Variants in SLCO2A1 observed in about 807,000 individuals in gnomAD.
SLCO2A1 encodes the protein solute carrier organic anion transporter family member 2A1, also known as matrin F/G 1.
Under a neutral mutation model 71.7 loss-of-function variants are expected in SLCO2A1, and 60 were observed. The ratio of observed to expected loss-of-function variants is 0.84; its 90% CI spans 0.68 to 1.04. The LOEUF (loss-of-function observed/expected upper bound fraction) is 1.04. SLCO2A1 is among the 50% of genes least tolerant of loss of function. SLCO2A1 has a pLI of 0.00. For missense variants in SLCO2A1, 745 were observed against 813.4 expected (o/e 0.92, Z 1.02); for synonymous variants, 308 against 326.7 (o/e 0.94, Z 0.62).
chr3:133,996,519 G>A (rs1489660701), intron 1 of SLCO2A1, among the ~76,000 whole-genome samples: 3 of 152,192 alleles, frequency 2.0e-5, no homozygotes, highest in Non-Finnish European at 4.4e-5. Flanking sequence ...CTACAGACAG[G>A]CTAGCTTAGC....
intron 3 of SLCO2A1, among the ~76,000 whole-genome samples, 195 bp downstream of exon 3, chr3:133,973,468 G>A (rs1335829668): frequency 6.6e-6 from 1 of 152,220 alleles, no homozygotes; most frequent in Non-Finnish European, 1.5e-5. Context: ...ACAGCAGGAG[G>A]TGAGCCATGC....
rs188043478 is a variant in SLCO2A1 at position 134,026,491 on chromosome 3, G to A, written c.96+3216C>T. On this transcript the variant is annotated intron_variant, in intron 1 of 13. Coordinates refer to ENST00000310926, the MANE Select transcript of SLCO2A1 (RefSeq NM_005630.3). ...CTGGGCTTCCCTGTCTATGCTTCCC[G>A]CGAAAAGAGAAGCATAGCTATAGGA... 1.7e-3 allele frequency among the ~76,000 whole-genome samples: 255 copies of A among 152,038 alleles called. 1 individual carries two copies. Among genetic ancestry groups the A allele is most frequent in the African/African-American group, 5.8e-3 (239 of 41,466 alleles).
In SLCO2A1 at chr3:133,948,557, C is replaced by G. The variant is rs556819076; in HGVS notation, c.1084G>C (p.Ala362Pro). 1.8e-4 allele frequency: 288 copies of G among 1,613,984 alleles called. 2 individuals carry two copies. The South Asian group carries it at 3.0e-3, about 17-fold the overall frequency. Residue 362 changes from alanine (A) to proline (P), a missense_variant, in exon 8 of 14, where the codon GCC (alanine) becomes CCC (proline). Transcript: ENST00000310926. ...FLEKQYGTSA[A>P]YANFLIGAVN... ...TCACCAATGAGGAAGTTGGCATAGG[C>G]TGCTGAGGTGCCATACTGCTTCTCC...
At chr3:134,028,975 C>T (rs1390643609) in intron 1 of SLCO2A1, among the ~76,000 whole-genome samples, 1 of 115,010 alleles carries the variant, frequency 8.7e-6, no homozygotes, top group Non-Finnish European at 1.8e-5. Flanking sequence ...TCACCCGCTC[C>T]CCATAACTTG....
intron 1 of SLCO2A1, among the ~76,000 whole-genome samples, chr3:134,005,481 A>ATT (rs35386403): frequency 0.71 from 95,299 of 133,824 alleles, 35,555 homozygotes; most frequent in Non-Finnish European, 0.83. Flanking sequence ...ATGTGTTATA[A>ATT]TTTTTTTTTT....
chr3:133,984,340 T>C (rs971489308), intron 1 of SLCO2A1, among the ~76,000 whole-genome samples: 4 of 152,176 alleles, frequency 2.6e-5, no homozygotes, highest in Non-Finnish European at 5.9e-5. Flanking sequence ...CCACCAGCTA[T>C]TGGCCCCTGC....
At chr3:133,971,419 T>A (rs1039189974) in intron 3 of SLCO2A1, among the ~76,000 whole-genome samples, 2 of 152,238 alleles carry the variant, frequency 1.3e-5, no homozygotes, top group Non-Finnish European at 1.5e-5. Flanking sequence ...CATACATTTA[T>A]GAGAAATGAC....
rs140853393 is a variant in SLCO2A1, at chr3:134,014,181, T to C, written c.96+15526A>G. Reference sequence around the variant, plus strand: ...GGATTCCAGTAGTTTGCCACATTTCTGAAGGTAGGGGTCTGCCCTGTTCGG... The same window carrying C: ...GGATTCCAGTAGTTTGCCACATTTCCGAAGGTAGGGGTCTGCCCTGTTCGG... On this transcript the variant is annotated intron_variant, in intron 1 of 13. Transcript: ENST00000310926. Among the ~76,000 whole-genome samples the C allele has an allele frequency of 6.8e-3, 1,034 of 152,284 alleles. 16 individuals are homozygous for C. Among genetic ancestry groups the C allele is most frequent in the African/African-American group, 0.024 (977 of 41,548 alleles).
intron 11 of SLCO2A1, among the ~76,000 whole-genome samples, chr3:133,939,528 C>G (rs1326120831): frequency 6.6e-6 from 1 of 152,218 alleles, no homozygotes; most frequent in African/African-American, 2.4e-5. Context: ...CATCACAGTT[C>G]TGCTAGCAAA....
intron 3 of SLCO2A1, among the ~76,000 whole-genome samples, chr3:133,967,405 G>A (rs1035100701): frequency 6.6e-6 from 1 of 152,190 alleles, no homozygotes; most frequent in African/African-American, 2.4e-5. Flanking sequence ...ACCATGGAGC[G>A]CAGAGCTCTC....
intron 1 of SLCO2A1, among the ~76,000 whole-genome samples, chr3:134,003,173 A>G (rs543957016): frequency 5.3e-5 from 8 of 152,254 alleles, no homozygotes; most frequent in African/African-American, 1.7e-4. Context: ...AGGTTTCAAG[A>G]CTCCTGAATG....
intron 1 of SLCO2A1, among the ~76,000 whole-genome samples, chr3:134,026,797 TA>T (rs1935709279): frequency 6.6e-6 from 1 of 152,220 alleles, no homozygotes; most frequent in Non-Finnish European, 1.5e-5. Flanking sequence ...TTAACCTTTC[TA>T]ATTGCTGCCT....
intron 6 of SLCO2A1, 185 bp from the exon 7 acceptor site, chr3:133,949,156 G>A (rs987864092): frequency 5.0e-6 from 3 of 603,046 alleles, no homozygotes; most frequent in Admixed American, 2.8e-5. Flanking sequence ...GCATTTCCGT[G>A]AGCCTGGTGT....
intron 3 of SLCO2A1, among the ~76,000 whole-genome samples, chr3:133,967,520 T>C (rs1226768873): frequency 6.6e-6 from 1 of 152,224 alleles, no homozygotes; most frequent in African/African-American, 2.4e-5. Flanking sequence ...ACCACGCATT[T>C]AAAAAATGTT....
intron 3 of SLCO2A1, among the ~76,000 whole-genome samples, chr3:133,970,207 C>G (rs773356099): frequency 2.6e-5 from 4 of 152,236 alleles, no homozygotes; most frequent in Non-Finnish European, 2.9e-5. Flanking sequence ...CTGCATGTGA[C>G]AGCCACCAGG....
chr3:134,015,362 TG>T (rs1350488939), intron 1 of SLCO2A1, among the ~76,000 whole-genome samples: 8 of 143,020 alleles, frequency 5.6e-5, no homozygotes, highest in African/African-American at 1.6e-4. Context: ...CCTCATGATC[TG>T]ACTTAAATGC....
intron 1 of SLCO2A1, among the ~76,000 whole-genome samples, chr3:134,000,882 T>C (rs574525167): frequency 6.6e-6 from 1 of 152,354 alleles, no homozygotes; most frequent in Admixed American, 6.5e-5. Context: ...TTGTGCCTTG[T>C]TAAACTCTGC....
intron 1 of SLCO2A1, among the ~76,000 whole-genome samples, chr3:133,990,332 A>G (rs1295976752): frequency 6.6e-6 from 1 of 152,236 alleles, no homozygotes; most frequent in Admixed American, 6.5e-5. Flanking sequence ...CATTATAATG[A>G]AAGTGTCAGA....
At chr3:133,961,096 G>C (rs986935632) in intron 3 of SLCO2A1, among the ~76,000 whole-genome samples, 2 of 152,188 alleles carry the variant, frequency 1.3e-5, no homozygotes, top group African/African-American at 4.8e-5. Context: ...AACTCCAGAA[G>C]GGTGAAAATC....
Sources: allele counts gnomAD v4.1 joint callset (sites outside exome capture counted in the v4.1 genomes callset), GRCh38; gene constraint gnomAD v4.1.1; transcripts MANE v1.5; gene names NCBI Gene and HGNC (gene_info 2026-07-23, HGNC 2026-07-21).